Variants in GIPC2 observed in about 807,000 individuals in gnomAD.
GIPC2 encodes GIPC PDZ domain containing family member 2.
Under a neutral mutation model 30.6 loss-of-function variants are expected in GIPC2, and 30 were observed. The ratio of observed to expected loss-of-function variants is 0.98; its 90% CI spans 0.73 to 1.33. The LOEUF is 1.33. GIPC2 is among the 40% of genes most tolerant of loss of function. GIPC2 has a pLI of 0.00. For missense variants in GIPC2, 414 were observed against 390.3 expected (o/e 1.06, Z -0.51); for synonymous variants, 167 against 150.0 (o/e 1.11, Z -0.83).
At chr1:78,105,645 C>T (rs545712090) in intron 3 of GIPC2, among the ~76,000 whole-genome samples, 2 of 152,080 alleles carry the variant, frequency 1.3e-5, no homozygotes, top group Admixed American at 6.5e-5. Flanking sequence ...ATAGGAGGTA[C>T]ATAATAGTTT....
At chr1:78,119,209 A>G (rs1197095234) in intron 3 of GIPC2, among the ~76,000 whole-genome samples, 184 bp from the exon 4 acceptor site, 1 of 152,196 alleles carries the variant, frequency 6.6e-6, no homozygotes, top group Non-Finnish European at 1.5e-5. Flanking sequence ...AGACTCTCTT[A>G]TAAGAATAAT....
At chr1:78,131,931 A>AT (rs1662906586) in intron 5 of GIPC2, among the ~76,000 whole-genome samples, 1 of 152,306 alleles carries the variant, frequency 6.6e-6, no homozygotes, top group East Asian at 1.9e-4. Context: ...TGTAATTGGC[A>AT]TTTTTTTGTT....
chr1:78,123,065 G>T (rs1662712840), intron 4 of GIPC2, among the ~76,000 whole-genome samples: 1 of 152,034 alleles, frequency 6.6e-6, no homozygotes, highest in South Asian at 2.1e-4. Context: ...TTCGAGACTA[G>T]CCTGGCCAAT....
Position 78,080,715 on chromosome 1 carries a change from A to T in GIPC2, c.281A>T (p.Glu94Val). Residue 94 changes from glutamate (E) to valine (V), a missense_variant, in exon 2 of 6, where the codon GAA (glutamate) becomes GTA (valine). Transcript: ENST00000370759. The stretch of plus-strand genomic sequence containing the variant: ...TTAAACACACCTAAAATTGACATGG[A>T]AAGACTCTTAGGAGGACAACTAGGA... ...CTLNTPKIDM[E>V]RLLGGQLGLE... The T allele has an allele frequency of 1.2e-6, 2 of 1,608,912 alleles. No homozygotes were observed. The highest frequency in any genetic ancestry group is 2.2e-5 in the South Asian group (2 of 90,506).
chr1:78,080,396 GTCCT>G (rs1409058495), intron 1 of GIPC2, among the ~76,000 whole-genome samples: 12 of 152,214 alleles, frequency 7.9e-5, no homozygotes, highest in Admixed American at 4.6e-4. Flanking sequence ...TGATACCAAT[GTCCT>G]TTATAAAGTT....
intron 5 of GIPC2, among the ~76,000 whole-genome samples, chr1:78,128,320 G>A (rs528312040): frequency 6.6e-6 from 1 of 152,222 alleles, no homozygotes; most frequent in Non-Finnish European, 1.5e-5. Flanking sequence ...GCATTGAGCC[G>A]CTAAGCCCAG....
intron 1 of GIPC2, among the ~76,000 whole-genome samples, chr1:78,052,992 T>C (rs1661222443): frequency 1.3e-5 from 2 of 152,110 alleles, no homozygotes; most frequent in Non-Finnish European, 2.9e-5. Flanking sequence ...CTAGGACGAA[T>C]AGAGAAAATA....
intron 1 of GIPC2, among the ~76,000 whole-genome samples, chr1:78,080,133 A>G (rs1250363676): frequency 6.6e-6 from 1 of 152,180 alleles, no homozygotes; most frequent in Non-Finnish European, 1.5e-5. Context: ...AAAATTGTCT[A>G]TATTTAAAAA....
intron 3 of GIPC2, among the ~76,000 whole-genome samples, chr1:78,104,007 G>T (rs1662298564): frequency 6.6e-6 from 1 of 152,180 alleles, no homozygotes; most frequent in African/African-American, 2.4e-5. Context: ...GGGTGTGGGG[G>T]TGGCCTGTGA....
intron 2 of GIPC2, among the ~76,000 whole-genome samples, chr1:78,091,300 T>C (rs1349469552): frequency 2.0e-5 from 3 of 152,238 alleles, no homozygotes; most frequent in African/African-American, 4.8e-5. Flanking sequence ...TGGGCGAGGT[T>C]TGAGGACAGT....
At chr1:78,134,122 C>A (rs687708) in intron 5 of GIPC2, among the ~76,000 whole-genome samples, 36,666 of 151,988 alleles carry the variant, frequency 0.24, 5,161 homozygotes, top group East Asian at 0.75. Context: ...GGATGTCATG[C>A]TTCCAGGACT....
rs747645102 is a variant in GIPC2, at chr1:78,080,709, A to T, written c.275A>T (p.Asp92Val). Residue 92 changes from aspartate (D) to valine (V), a missense_variant, in exon 2 of 6, where the codon GAC (aspartate) becomes GTC (valine). By Grantham distance (152) the Asp-to-Val change is radical. Transcript: ENST00000370759. The stretch of plus-strand genomic sequence containing the variant: ...TGCACTTTAAACACACCTAAAATTG[A>T]CATGGAAAGACTCTTAGGAGGACAA... ...LYCTLNTPKI[D>V]MERLLGGQLG... The T allele has an allele frequency of 6.2e-6, 10 of 1,607,614 alleles. No individual in the cohort carries two copies. The South Asian group carries it at 1.0e-4, about 16-fold the overall frequency.
chr1:78,091,519 C>G, intron 2 of GIPC2: 1 of 736,336 alleles, frequency 1.4e-6, no homozygotes, highest in Non-Finnish European at 2.5e-6. Context: ...AAGGCAGCTC[C>G]AAACAGCCGT....
intron 4 of GIPC2, among the ~76,000 whole-genome samples, chr1:78,123,976 G>A (rs1323088584): frequency 2.6e-5 from 4 of 152,130 alleles, no homozygotes; most frequent in African/African-American, 9.7e-5. Flanking sequence ...TATCTTCAAG[G>A]AAATAGATTT....
intron 1 of GIPC2, among the ~76,000 whole-genome samples, chr1:78,062,956 A>G (rs901746367): frequency 1.3e-5 from 2 of 152,210 alleles, no homozygotes; most frequent in African/African-American, 4.8e-5. Context: ...TTCACAGCCC[A>G]GAGGGATATC....
intron 2 of GIPC2, among the ~76,000 whole-genome samples, chr1:78,081,987 C>T (rs928816548): frequency 6.6e-6 from 1 of 152,134 alleles, no homozygotes; most frequent in African/African-American, 2.4e-5. Flanking sequence ...GTGCCCCTTC[C>T]CAGTCAATAA....
At chr1:78,063,954 C>T (rs1661455018) in intron 1 of GIPC2, among the ~76,000 whole-genome samples, 1 of 150,800 alleles carries the variant, frequency 6.6e-6, no homozygotes, top group East Asian at 1.9e-4. Context: ...TCTCTTTTTC[C>T]TCATATTCAA....
chr1:78,067,744 C>A (rs1019385670), intron 1 of GIPC2, among the ~76,000 whole-genome samples: 4 of 152,214 alleles, frequency 2.6e-5, no homozygotes, highest in African/African-American at 2.4e-5. Context: ...AGCCACTGCA[C>A]CTCGCCTCAA....
chr1:78,079,153 A>G (rs920004528), intron 1 of GIPC2, among the ~76,000 whole-genome samples: 4 of 152,202 alleles, frequency 2.6e-5, no homozygotes, highest in Non-Finnish European at 4.4e-5. Context: ...CCGGGAACAT[A>G]AAGGGTTAAA....
Sources: gnomAD v4.1 joint callset for allele counts (sites outside exome capture counted in the v4.1 genomes callset) on GRCh38, gnomAD v4.1.1 for gene constraint, MANE v1.5 for transcripts, NCBI Gene and HGNC (gene_info 2026-07-23, HGNC 2026-07-21) for gene names.